PIP5K1B: variants seen among roughly 807,000 people sequenced by gnomAD.
The protein encoded by PIP5K1B is phosphatidylinositol 4-phosphate 5-kinase type-1 beta.
In PIP5K1B, 42 loss-of-function variants were observed where a neutral mutation model predicts 67.0. That is an observed-to-expected ratio of 0.63 (90% CI 0.49 to 0.81). The LOEUF (loss-of-function observed/expected upper bound fraction) is 0.81, where lower values mean the gene tolerates loss of function less well. Ranked by LOEUF, PIP5K1B falls within the 30% of genes least tolerant of loss-of-function variation. The pLI is 0.00. For missense variants in PIP5K1B, 459 were observed against 646.3 expected (o/e 0.71, Z 3.14); for synonymous variants, 214 against 231.4 (o/e 0.92, Z 0.68).
chr9:68,729,180 AAG>A (rs113707445), intron 1 of PIP5K1B, among the ~76,000 whole-genome samples: 17,740 of 152,262 alleles, frequency 0.12, 1,128 homozygotes, highest in African/African-American at 0.13. Flanking sequence ...CATAGGGAGA[AAG>A]AAGGAATTTT....
At chr9:68,729,170 C>T (rs1323295416) in intron 1 of PIP5K1B, among the ~76,000 whole-genome samples, 1 of 149,262 alleles carries the variant, frequency 6.7e-6, no homozygotes, top group Non-Finnish European at 1.5e-5. Flanking sequence ...ATGGGGGTTG[C>T]ATAGGGAGAA....
At chr9:68,895,458 GT>G (rs1825034757) in intron 8 of PIP5K1B, among the ~76,000 whole-genome samples, 1 of 152,220 alleles carries the variant, frequency 6.6e-6, no homozygotes, top group South Asian at 2.1e-4. Context: ...ACAGGCTGTG[GT>G]TTTCTGCACT....
intron 14 of PIP5K1B, among the ~76,000 whole-genome samples, chr9:68,944,755 T>C (rs12349090): frequency 0.063 from 9,519 of 152,110 alleles, 411 homozygotes; most frequent in African/African-American, 0.12. Context: ...AGAACAGGGG[T>C]GGAAACACTC....
chr9:68,845,098 A>G (rs66883415), intron 4 of PIP5K1B, among the ~76,000 whole-genome samples: 43,125 of 152,054 alleles, frequency 0.28, 6,371 homozygotes, highest in Middle Eastern at 0.34. Context: ...AAATTTTGGC[A>G]ATTCTCTAAG....
chr9:68,997,148 G>A (rs1830632534), intron 15 of PIP5K1B, among the ~76,000 whole-genome samples: 1 of 152,200 alleles, frequency 6.6e-6, no homozygotes, highest in Non-Finnish European at 1.5e-5. Flanking sequence ...AAGGGTGGCA[G>A]AGAAGTGAAA....
intron 4 of PIP5K1B, among the ~76,000 whole-genome samples, chr9:68,853,516 G>A (rs779325470): frequency 1.1e-4 from 17 of 152,200 alleles, no homozygotes; most frequent in Admixed American, 3.3e-4. Context: ...CTGGAGCCTG[G>A]AGGATGCAAT....
intron 1 of PIP5K1B, among the ~76,000 whole-genome samples, chr9:68,723,761 C>A (rs772680829): frequency 9.0e-6 from 1 of 110,556 alleles, no homozygotes; most frequent in Non-Finnish European, 1.9e-5. Context: ...GGTTATTAAT[C>A]CCTTGTCAAA....
At chr9:68,922,857 C>G (rs146056442) in intron 11 of PIP5K1B, among the ~76,000 whole-genome samples, 2 of 152,292 alleles carry the variant, frequency 1.3e-5, no homozygotes, top group East Asian at 3.9e-4. Flanking sequence ...TTAACTTAAA[C>G]GTCAATGTCA....
chr9:68,792,885 A>T (rs1832060642), intron 2 of PIP5K1B, among the ~76,000 whole-genome samples: 1 of 152,186 alleles, frequency 6.6e-6, no homozygotes, highest in Non-Finnish European at 1.5e-5. Context: ...TCATTCATTA[A>T]GCGATGTTGA....
chr9:68,712,654 A>G (rs1035293052), intron 1 of PIP5K1B, among the ~76,000 whole-genome samples: 1 of 152,242 alleles, frequency 6.6e-6, no homozygotes, highest in Non-Finnish European at 1.5e-5. Context: ...CTGAGAGGAC[A>G]GTGCTTACGT....
At chr9:68,994,037 A>ATTTTTTTT (rs67700788) in intron 15 of PIP5K1B, among the ~76,000 whole-genome samples, 5 of 118,586 alleles carry the variant, frequency 4.2e-5, no homozygotes, top group Admixed American at 9.9e-5. Flanking sequence ...TTTTTCCTGA[A>ATTTTTTTT]TTTTTTTTTT....
At chr9:68,724,555 A>G (rs1350243226) in intron 1 of PIP5K1B, among the ~76,000 whole-genome samples, 1 of 152,036 alleles carries the variant, frequency 6.6e-6, no homozygotes, top group Non-Finnish European at 1.5e-5. Flanking sequence ...TATTCTTCCA[A>G]TCTCTGAGCA....
chr9:68,818,156 G>T (rs1391417600), intron 2 of PIP5K1B, among the ~76,000 whole-genome samples: 1 of 152,140 alleles, frequency 6.6e-6, no homozygotes, highest in Non-Finnish European at 1.5e-5. Flanking sequence ...TATCTTTTGC[G>T]CATTGTGCAT....
At chr9:68,806,862 CA>C (rs150142949) in intron 2 of PIP5K1B, among the ~76,000 whole-genome samples, 2,390 of 152,000 alleles carry the variant, frequency 0.016, 50 homozygotes, top group East Asian at 0.1. Flanking sequence ...TGAACCTGCA[CA>C]CAGCCAAGCA....
At position 68,894,607 on chromosome 9, in the gene PIP5K1B, C is replaced by T; in HGVS notation, c.740C>T (p.Ala247Val). ...TATTTTGATACGGAAACATACAACG[C>T]GCTTATGAAAACACTTCAGAGAGAC... Reference protein sequence around the residue: ...GLYFDTETYNALMKTLQRDCR... With the variant: ...GLYFDTETYNVLMKTLQRDCR... Residue 247 changes from alanine (A) to valine (V), a missense_variant, in exon 8 of 16, where the codon GCG becomes GTG. Ala to Val is a moderately conservative substitution (Grantham distance 64, BLOSUM62 0). Transcript: ENST00000265382. The T allele has an allele frequency of 1.2e-6, 2 of 1,614,024 alleles. No individual in the cohort carries two copies. The highest frequency in any genetic ancestry group is 1.7e-6 in the Non-Finnish European group (2 of 1,179,930).
chr9:68,734,423 T>C (rs1479013781), intron 1 of PIP5K1B, among the ~76,000 whole-genome samples: 1 of 152,182 alleles, frequency 6.6e-6, no homozygotes, highest in African/African-American at 2.4e-5. Flanking sequence ...AAGGGAAAGA[T>C]GTCTTAACTG....
chr9:68,743,269 C>A lies in PIP5K1B; in HGVS notation c.-86+612C>A, dbSNP rs561283105. Among the ~76,000 whole-genome samples the A allele has an allele frequency of 2.7e-5, 4 of 150,734 alleles. No homozygotes were observed. The South Asian group carries it at 8.4e-4, about 32-fold the overall frequency. On this transcript the variant is annotated intron_variant, in intron 2 of 15. Transcript: ENST00000265382. ...TGTCTCCCAGGCTAGAGTGGCACAA[C>A]TATAGCTCACTTCAGCCTTGACCTT... is the stretch of plus-strand genomic sequence containing the variant.
intron 2 of PIP5K1B, chr9:68,780,087 C>A: frequency 7.1e-7 from 1 of 1,411,348 alleles, no homozygotes; most frequent in East Asian, 2.6e-5. Flanking sequence ...GCGGCGGCAG[C>A]GGCGGCGGCC....
intron 4 of PIP5K1B, among the ~76,000 whole-genome samples, chr9:68,849,978 C>T (rs906054766): frequency 9.2e-5 from 14 of 152,084 alleles, no homozygotes; most frequent in South Asian, 6.2e-4. Context: ...AGGGTATATG[C>T]GCTTGGAATA....
Sources: gnomAD v4.1 joint callset for allele counts (sites outside exome capture counted in the v4.1 genomes callset) on GRCh38, gnomAD v4.1.1 for gene constraint, MANE v1.5 for transcripts, NCBI Gene and HGNC (gene_info 2026-07-23, HGNC 2026-07-21) for gene names.